Variants in FETUB observed in about 807,000 individuals in gnomAD.
FETUB encodes the protein fetuin B.
Under a neutral mutation model 30.9 loss-of-function variants are expected in FETUB, and 28 were observed. The observed-to-expected ratio is 0.90, with a 90% CI of 0.67 to 1.24. The LOEUF (loss-of-function observed/expected upper bound fraction) is 1.24. FETUB is among the 50% of genes most tolerant of loss of function. The pLI is 0.00. For synonymous variants in FETUB, 186 were observed against 175.9 expected (o/e 1.06, Z -0.45); for missense variants, 469 against 455.3 (o/e 1.03, Z -0.27).
chr3:186,646,459 C>A, intron 5 of FETUB, 110 bp downstream of exon 5: 1 of 801,176 alleles, frequency 1.2e-6, no homozygotes, highest in Non-Finnish European at 2.1e-6. Context: ...TGCTTTTCTT[C>A]CCCTCAAGGA....
chr3:186,636,891 C>A (rs900210420), upstream of FETUB, among the ~76,000 whole-genome samples: 1 of 152,146 alleles, frequency 6.6e-6, no homozygotes, highest in Non-Finnish European at 1.5e-5. Context: ...GTGAATGTTA[C>A]CCCCTCTAGG....
At chr3:186,651,485 C>T (rs1718034961) in intron 6 of FETUB, 184 bp downstream of exon 6, 2 of 589,224 alleles carry the variant, frequency 3.4e-6, no homozygotes, top group African/African-American at 3.7e-5. Flanking sequence ...GTTTCAGTCG[C>T]AATATGGTCC....
chr3:186,640,109 G>A (rs1414017600), upstream of FETUB, among the ~76,000 whole-genome samples: 2 of 152,310 alleles, frequency 1.3e-5, no homozygotes, highest in Non-Finnish European at 2.9e-5. Context: ...AGGGGAGAGG[G>A]GGAGAATGGG....
upstream of FETUB, among the ~76,000 whole-genome samples, chr3:186,638,764 C>T (rs2108511612): frequency 6.6e-6 from 1 of 152,296 alleles, no homozygotes; most frequent in African/African-American, 2.4e-5. Flanking sequence ...CCTCTTTGTT[C>T]TGCATCCTCA....
intron 5 of FETUB, chr3:186,647,150 A>G (rs1186371780): frequency 6.6e-6 from 1 of 152,218 alleles, no homozygotes; most frequent in Non-Finnish European, 1.5e-5. Flanking sequence ...TAGTGTTCTC[A>G]AAGCTTCTCC....
rs554549354 is a variant in FETUB, at chr3:186,648,943, T to C, written c.697-2275T>C. ...TATGATCATGTCACCTGAAAAGAGA[T>C]AGCTTTTTACTTCTCCCTTTTAAAT... is the stretch of plus-strand genomic sequence containing the variant. On this transcript the variant is annotated intron_variant, in intron 5 of 6. Transcript: ENST00000265029. Among the ~76,000 whole-genome samples, 181 of 152,362 alleles carry C rather than the reference T, an allele frequency of 1.2e-3. 1 individual carries two copies. The highest frequency in any genetic ancestry group is 4.1e-3 in the African/African-American group (172 of 41,586).
At chr3:186,649,690 C>T (rs1717838766) in intron 5 of FETUB, among the ~76,000 whole-genome samples, 1 of 152,094 alleles carries the variant, frequency 6.6e-6, no homozygotes, top group African/African-American at 2.4e-5. Flanking sequence ...AGGCTGGTCT[C>T]GAACTCCTAA....
At position 186,652,371 on chromosome 3, in the gene FETUB, A is replaced by G; in HGVS notation, c.889A>G (p.Lys297Glu). The G allele has an allele frequency of 6.4e-7, 1 of 1,570,248 alleles. No individual in the cohort carries two copies. The highest frequency in any genetic ancestry group is 1.1e-5 in the South Asian group (1 of 90,128). The change falls in exon 7 of 7, where the codon AAA (lysine) becomes GAA (glutamate). Residue 297 changes from lysine to glutamate, a missense_variant. By Grantham distance (56) the Lys-to-Glu change is moderately conservative. Transcript: ENST00000265029. ...KNTPPTDSPS[K>E]AGPRGSVQYL... ...CACCCCCCCAACAGACTCCCCCTCC[A>G]AAGCTGGGCCAAGAGGATCTGTCCA... is the stretch of plus-strand genomic sequence containing the variant.
Position 186,640,592 on chromosome 3 carries a change from T to C in FETUB, c.132T>C (p.Val44=), listed in dbSNP as rs745893368. ...RGCNDSDVLA[V]AGFALRDINK... The stretch of plus-strand genomic sequence containing the variant: ...GCAATGACTCAGATGTGCTGGCAGT[T>C]GCAGGCTTTGCCCTGCGGGATATTA... Residue 44 remains valine (V), a synonymous_variant, in exon 1 of 7, where the codon GTT becomes GTC. Coordinates refer to ENST00000265029, the MANE Select transcript of FETUB (RefSeq NM_014375.3). 1.4e-5 allele frequency: 23 copies of C among 1,614,130 alleles called. No homozygotes were observed. Among genetic ancestry groups the C allele is most frequent in the Middle Eastern group, 1.6e-4 (1 of 6,084 alleles).
chr3:186,650,819 G>T (rs918976085), intron 5 of FETUB, among the ~76,000 whole-genome samples: 5 of 152,198 alleles, frequency 3.3e-5, no homozygotes, highest in Non-Finnish European at 5.9e-5. Context: ...GGAGCTGAGA[G>T]TGGTTTTGTC....
chr3:186,652,708 G>A lies in FETUB; in HGVS notation c.*77G>A. ...GCGATGGGGACGATGGACAGAGACA[G>A]AGCGTGCACACGTAGAGTGGCTAGT... On this transcript the variant is annotated 3_prime_UTR_variant, in exon 7 of 7. Transcript: ENST00000265029. 6.7e-7 allele frequency: 1 copy of A among 1,499,118 alleles called. No homozygotes were observed. The allele number at this position is 1,499,118 out of a possible 1,614,324, so 92.9% of individuals were successfully genotyped here.
At chr3:186,650,496 G>A (rs1193319395) in intron 5 of FETUB, among the ~76,000 whole-genome samples, 1 of 151,902 alleles carries the variant, frequency 6.6e-6, no homozygotes, top group African/African-American at 2.4e-5. Flanking sequence ...CATCACAGAG[G>A]AATACTATGT....
At chr3:186,639,135 G>A (rs555483997), upstream of FETUB, among the ~76,000 whole-genome samples, 5 of 152,300 alleles carry the variant, frequency 3.3e-5, no homozygotes, top group South Asian at 2.1e-4. Flanking sequence ...GTCTAAGATC[G>A]AGGGGCTATA....
upstream of FETUB, among the ~76,000 whole-genome samples, chr3:186,639,632 C>G (rs1172454839): frequency 2.2e-5 from 3 of 136,668 alleles, no homozygotes; most frequent in Non-Finnish European, 4.6e-5. Flanking sequence ...TAAGTAGAAC[C>G]TTTCTGAATC....
At chr3:186,651,116 TA>T (rs1717994356) in intron 5 of FETUB, 101 bp from the exon 6 acceptor site, 2 of 764,334 alleles carry the variant, frequency 2.6e-6, no homozygotes, top group Admixed American at 2.0e-5. Flanking sequence ...AGTAGAAGCA[TA>T]AAAATGTTGA....
chr3:186,652,174 A>G, intron 6 of FETUB, 89 bp from the exon 7 acceptor site: 1 of 1,421,644 alleles, frequency 7.0e-7, no homozygotes. Context: ...AAATGTTCCA[A>G]CAGAAAGGCA....
intron 5 of FETUB, among the ~76,000 whole-genome samples, chr3:186,650,980 A>G (rs1006903465): frequency 1.3e-5 from 2 of 152,212 alleles, no homozygotes; most frequent in Admixed American, 6.5e-5. Flanking sequence ...AATTTTTTTA[A>G]CAAACAGAGT....
chr3:186,641,632 A>G (rs1336648404), intron 2 of FETUB: 1 of 153,096 alleles, frequency 6.5e-6, no homozygotes, highest in East Asian at 1.9e-4. Context: ...TCCTGAAACC[A>G]CAGAGCATAA....
chr3:186,652,289 T>C lies in FETUB; in HGVS notation c.807T>C (p.Ser269=). The change falls in exon 7 of 7, where the codon TCT becomes TCC. Residue 269 remains serine, a synonymous_variant. Transcript: ENST00000265029. ...SQAPATGSEN[S]AVNQKPTNLP... is the part of the protein sequence containing the mutation. ...CTCCAGCCACTGGAAGTGAAAACTC[T>C]GCTGTTAACCAGAAACCTACAAACC... is the stretch of plus-strand genomic sequence containing the variant. 6.4e-7 allele frequency: 1 copy of C among 1,557,386 alleles called. No homozygotes were observed. The highest frequency in any genetic ancestry group is 8.6e-7 in the Non-Finnish European group (1 of 1,158,630).
Sources: gnomAD v4.1 joint callset for allele counts (sites outside exome capture counted in the v4.1 genomes callset) on GRCh38, gnomAD v4.1.1 for gene constraint, MANE v1.5 for transcripts, NCBI Gene and HGNC (gene_info 2026-07-23, HGNC 2026-07-21) for gene names.